Variants in CSMD1 observed in about 807,000 individuals in gnomAD.
The protein encoded by CSMD1 is CUB and Sushi multiple domains 1.
CSMD1 carries 213 observed loss-of-function variants against 417.5 expected under a neutral mutation model. The ratio of observed to expected loss-of-function variants is 0.51; its 90% CI spans 0.46 to 0.57. The LOEUF is 0.57. Ranked by LOEUF, CSMD1 falls within the 20% of genes least tolerant of loss-of-function variation. CSMD1 has a pLI of 0.00. For missense variants in CSMD1, 6,923 were observed against 4,529.7 expected, an observed-to-expected ratio of 1.53 and a Z score of -15.17; for synonymous variants, 2,862 against 1,736.8, an observed-to-expected ratio of 1.65 and a Z score of -16.11.
intron 3 of CSMD1, among the ~76,000 whole-genome samples, chr8:4,188,452 G>C (rs998698324): frequency 6.6e-6 from 1 of 151,920 alleles, no homozygotes; most frequent in African/African-American, 2.4e-5. Flanking sequence ...TCCAGCCTGA[G>C]AAACTTTATT....
At chr8:4,041,890 G>C (rs1417028084) in intron 3 of CSMD1, among the ~76,000 whole-genome samples, 1 of 152,106 alleles carries the variant, frequency 6.6e-6, no homozygotes, top group African/African-American at 2.4e-5. Context: ...ATGTTATAAG[G>C]TAGAATAGAT....
In CSMD1 at chr8:4,146,467, G is replaced by A. The variant is rs968562568; in HGVS notation, c.416-114368C>T. 4.0e-5 allele frequency among the ~76,000 whole-genome samples: 6 copies of A among 150,540 alleles called. 2 individuals carry two copies. Among genetic ancestry groups the A allele is most frequent in the African/African-American group, 1.5e-4 (6 of 40,042 alleles). On this transcript the variant is annotated intron_variant, in intron 3 of 69. Coordinates refer to ENST00000635120, the MANE Select transcript of CSMD1 (RefSeq NM_033225.6). ...CAGCAGTAAGTGTAGAGTTAACAATGTTGAAAAGGCTGTTTACCCAGTTCC... is the reference window on the plus strand; with the variant it reads ...CAGCAGTAAGTGTAGAGTTAACAATATTGAAAAGGCTGTTTACCCAGTTCC...
chr8:4,906,995 G>T (rs746586733), intron 1 of CSMD1, among the ~76,000 whole-genome samples: 1 of 152,106 alleles, frequency 6.6e-6, no homozygotes, highest in Admixed American at 6.5e-5. Flanking sequence ...ACTTATTCAA[G>T]ACTTAATTCA....
intron 2 of CSMD1, among the ~76,000 whole-genome samples, chr8:4,517,097 G>A (rs1803167057): frequency 6.6e-6 from 1 of 152,116 alleles, no homozygotes; most frequent in South Asian, 2.1e-4. Context: ...TATGTTTTCA[G>A]CTTTTCCTGT....
chr8:3,199,472 C>T (rs528105256), intron 33 of CSMD1, among the ~76,000 whole-genome samples: 2 of 152,164 alleles, frequency 1.3e-5, no homozygotes, highest in African/African-American at 4.8e-5. Flanking sequence ...TATTTATTCC[C>T]TTCTAGTGCC....
chr8:3,189,267 T>A (rs1337026427), intron 34 of CSMD1, among the ~76,000 whole-genome samples: 1 of 152,254 alleles, frequency 6.6e-6, no homozygotes, highest in East Asian at 1.9e-4. Context: ...TAAGAAGGGA[T>A]GATGTCCAAT....
At chr8:4,235,896 G>A (rs77143819) in intron 3 of CSMD1, among the ~76,000 whole-genome samples, 2,475 of 152,172 alleles carry the variant, frequency 0.016, 76 homozygotes, top group African/African-American at 0.057. Context: ...GACACATCCC[G>A]TAGCTGAGCC....
intron 10 of CSMD1, among the ~76,000 whole-genome samples, chr8:3,558,367 TGGTGCCTC>T (rs1799272837): frequency 5.4e-5 from 5 of 92,348 alleles, no homozygotes; most frequent in Non-Finnish European, 8.3e-5. Context: ...CAATGATGAA[TGGTGCCTC>T]AGTAGTACCC....
chr8:3,440,488 G>C (rs866031137), intron 12 of CSMD1, among the ~76,000 whole-genome samples: 1 of 152,140 alleles, frequency 6.6e-6, no homozygotes, highest in East Asian at 1.9e-4. Context: ...TGTTGTTGTT[G>C]TTCATCCTGT....
chr8:4,827,621 G>A (rs537496975), intron 1 of CSMD1, among the ~76,000 whole-genome samples: 162 of 152,250 alleles, frequency 1.1e-3, no homozygotes, highest in African/African-American at 3.7e-3. Context: ...CAGAAAGATT[G>A]AATAGGTAAG....
At chr8:3,525,882 T>C (rs1158427443) in intron 10 of CSMD1, among the ~76,000 whole-genome samples, 2 of 152,184 alleles carry the variant, frequency 1.3e-5, no homozygotes, top group African/African-American at 4.8e-5. Context: ...ATTAACTTGA[T>C]CTGTATAAGA....
chr8:3,797,164 TC>T (rs1800200148), intron 5 of CSMD1, among the ~76,000 whole-genome samples: 1 of 151,928 alleles, frequency 6.6e-6, no homozygotes, highest in Admixed American at 6.6e-5. Flanking sequence ...TAATTGAATT[TC>T]AAAGTCTATT....
chr8:4,808,306 G>C (rs1585133632), intron 1 of CSMD1, among the ~76,000 whole-genome samples: 1 of 152,138 alleles, frequency 6.6e-6, no homozygotes, highest in East Asian at 1.9e-4. Context: ...TTGCTTTAAA[G>C]AAAGTGTGTA....
chr8:4,031,379 G>A (rs1179274974), intron 4 of CSMD1, among the ~76,000 whole-genome samples: 1 of 152,308 alleles, frequency 6.6e-6, no homozygotes, highest in South Asian at 2.1e-4. Flanking sequence ...ATGCATGGCA[G>A]CAGGCAAAGA....
At chr8:4,931,305 T>C (rs1224245040) in intron 1 of CSMD1, among the ~76,000 whole-genome samples, 1 of 152,204 alleles carries the variant, frequency 6.6e-6, no homozygotes, top group Non-Finnish European at 1.5e-5. Flanking sequence ...CAGGACATAG[T>C]TCTCCTTCTG....
chr8:4,742,306 A>C (rs908325931), intron 1 of CSMD1, among the ~76,000 whole-genome samples: 1 of 151,814 alleles, frequency 6.6e-6, no homozygotes, highest in Non-Finnish European at 1.5e-5. Context: ...CTGAGATTAT[A>C]GGCATGAGCC....
chr8:4,205,167 C>A (rs941576527), intron 3 of CSMD1, among the ~76,000 whole-genome samples: 2 of 152,140 alleles, frequency 1.3e-5, no homozygotes, highest in East Asian at 1.9e-4. Flanking sequence ...AGAGAGAAAA[C>A]TGGGTGAAGA....
chr8:4,126,964 T>A (rs1270792653), intron 3 of CSMD1, among the ~76,000 whole-genome samples: 1 of 152,100 alleles, frequency 6.6e-6, no homozygotes, highest in Non-Finnish European at 1.5e-5. Context: ...GGACCTACAC[T>A]GTCAAGCTGA....
intron 1 of CSMD1, among the ~76,000 whole-genome samples, chr8:4,698,264 G>C (rs1000805171): frequency 2.6e-5 from 4 of 152,072 alleles, no homozygotes; most frequent in African/African-American, 4.8e-5. Context: ...AACATGAAGA[G>C]CTGTGTCGAA....
Sources: gnomAD v4.1 joint callset for allele counts (sites outside exome capture counted in the v4.1 genomes callset) on GRCh38, gnomAD v4.1.1 for gene constraint, MANE v1.5 for transcripts, NCBI Gene and HGNC (gene_info 2026-07-23, HGNC 2026-07-21) for gene names.